The following WDR72 variants were observed in gnomAD, a reference collection of about 807,000 sequenced individuals.
WDR72 encodes WD repeat-containing protein 72.
A neutral mutation model predicts 124.2 loss-of-function variants in WDR72; 120 were observed. The ratio of observed to expected loss-of-function variants is 0.97; its 90% CI spans 0.83 to 1.12. The LOEUF is 1.12. Ranked by LOEUF, WDR72 falls within the 50% of genes most tolerant of loss-of-function variation. The pLI, the probability that WDR72 is intolerant of heterozygous loss-of-function variation, is 0.00. For missense variants in WDR72, 1,387 were observed against 1,278.8 expected (o/e 1.08, Z -1.29); for synonymous variants, 452 against 441.7 (o/e 1.02, Z -0.29).
intron 6 of WDR72, among the ~76,000 whole-genome samples, chr15:53,713,528 G>A (rs2017615026): frequency 6.6e-6 from 1 of 150,660 alleles, no homozygotes; most frequent in Non-Finnish European, 1.5e-5. Flanking sequence ...TCGGCTCACT[G>A]CAACCCCCGC....
At chr15:53,756,974 T>C (rs895580283) in intron 1 of WDR72, among the ~76,000 whole-genome samples, 2 of 152,218 alleles carry the variant, frequency 1.3e-5, no homozygotes, top group Admixed American at 6.5e-5. Flanking sequence ...AGCAATGATA[T>C]CTAGCTCTGT....
chr15:53,655,309 T>C (rs1194476784), intron 14 of WDR72, among the ~76,000 whole-genome samples: 1 of 151,460 alleles, frequency 6.6e-6, no homozygotes, highest in East Asian at 1.9e-4. Context: ...ACTTTATAAT[T>C]GATCTGGTTT....
chr15:53,759,294 C>T (rs1046633033), intron 1 of WDR72: 8 of 152,188 alleles, frequency 5.3e-5, no homozygotes, highest in Non-Finnish European at 1.2e-4. Flanking sequence ...AAAGGCAGGT[C>T]CCTAACCGTA....
At chr15:53,698,967 G>T (rs2017086407) in intron 13 of WDR72, among the ~76,000 whole-genome samples, 1 of 152,116 alleles carries the variant, frequency 6.6e-6, no homozygotes, top group South Asian at 2.1e-4. Flanking sequence ...ACTTACACAT[G>T]ACAGTAAAAT....
At chr15:53,745,519 G>A (rs1000768316) in intron 1 of WDR72, among the ~76,000 whole-genome samples, 1 of 152,068 alleles carries the variant, frequency 6.6e-6, no homozygotes, top group African/African-American at 2.4e-5. Context: ...AATTAGGGTT[G>A]TCAGATTTAG....
chr15:53,651,012 T>C (rs1342908814), intron 14 of WDR72, among the ~76,000 whole-genome samples: 1 of 150,916 alleles, frequency 6.6e-6, no homozygotes, highest in Non-Finnish European at 1.5e-5. Context: ...TACTTGGAAG[T>C]CAAGCTTCTT....
At chr15:53,712,918 T>C in intron 6 of WDR72, 27 bp from the exon 7 acceptor site, 3 of 1,611,708 alleles carry the variant, frequency 1.9e-6, no homozygotes, top group African/African-American at 1.3e-5. Flanking sequence ...AATCTTTTAG[T>C]ACTAGTTCCA....
intron 1 of WDR72, among the ~76,000 whole-genome samples, chr15:53,744,666 T>G (rs1462469552): frequency 6.6e-6 from 1 of 152,246 alleles, no homozygotes; most frequent in African/African-American, 2.4e-5. Flanking sequence ...CTTTTCATTG[T>G]TTGATCCCTA....
upstream of WDR72, among the ~76,000 whole-genome samples, chr15:53,760,139 C>T (rs1160094612): frequency 2.0e-5 from 3 of 151,482 alleles, no homozygotes; most frequent in South Asian, 6.3e-4. Flanking sequence ...AATGAGGTTT[C>T]CATCACCTCA....
At chr15:53,605,863 G>A (rs1208734044) in intron 17 of WDR72, among the ~76,000 whole-genome samples, 3 of 152,060 alleles carry the variant, frequency 2.0e-5, no homozygotes, top group Non-Finnish European at 4.4e-5. Flanking sequence ...ATAATAATTT[G>A]AGGATCGGTT....
intron 18 of WDR72, 145 bp from the exon 19 acceptor site, chr15:53,523,467 A>G: frequency 3.9e-6 from 3 of 775,414 alleles, no homozygotes; most frequent in Middle Eastern, 7.3e-4. Flanking sequence ...TTGAAATAAA[A>G]TGTATCCTCT....
chr15:53,706,180 A>G, intron 9 of WDR72, 106 bp from the exon 10 acceptor site: 2 of 1,223,510 alleles, frequency 1.6e-6, no homozygotes, highest in Non-Finnish European at 1.2e-6. Context: ...AATCTTTTCA[A>G]TTTATTTCCC....
At chr15:53,738,832 C>T (rs1006350819) in intron 1 of WDR72, among the ~76,000 whole-genome samples, 1 of 152,294 alleles carries the variant, frequency 6.6e-6, no homozygotes, top group East Asian at 1.9e-4. Flanking sequence ...GTCTTGAACT[C>T]CTGACCTCAG....
chr15:53,561,232 T>C (rs1332140100), intron 18 of WDR72, among the ~76,000 whole-genome samples: 1 of 151,956 alleles, frequency 6.6e-6, no homozygotes, highest in Middle Eastern at 3.4e-3. Context: ...TTAAATGCAC[T>C]ACTAAGACCT....
chr15:53,709,967 T>C (rs1332199961), intron 9 of WDR72, among the ~76,000 whole-genome samples: 3 of 152,190 alleles, frequency 2.0e-5, no homozygotes, highest in South Asian at 2.1e-4. Context: ...ATAACGTTTA[T>C]GGATAATTAA....
At chr15:53,720,500 T>A (rs564036726) in intron 3 of WDR72, among the ~76,000 whole-genome samples, 3 of 152,246 alleles carry the variant, frequency 2.0e-5, no homozygotes, top group Non-Finnish European at 4.4e-5. Flanking sequence ...TGTGTTATTA[T>A]ACTTATCGTG....
rs200276821 is a variant in WDR72 at position 53,640,534 on chromosome 15, T to A, written c.1963-24291A>T. Among the ~76,000 whole-genome samples the A allele has an allele frequency of 7.9e-5, 12 of 152,306 alleles. No homozygotes were observed. In the East Asian group the frequency reaches 2.3e-3, roughly 29 times the overall value. On this transcript the variant is annotated intron_variant, in intron 14 of 19. Coordinates refer to ENST00000360509, the MANE Select transcript of WDR72 (RefSeq NM_182758.4). ...TTCCATTCTTTTTCTAAAAATACAA[T>A]CATTGAACACTTTCTGGTTCTTTTA...
chr15:53,753,810 C>G (rs935752866), intron 1 of WDR72, among the ~76,000 whole-genome samples: 10 of 152,170 alleles, frequency 6.6e-5, no homozygotes, highest in African/African-American at 2.2e-4. Context: ...AGACCTTGTG[C>G]TGGTGGCTTT....
chr15:53,715,313 C>T lies in WDR72; in HGVS notation c.394G>A (p.Glu132Lys). 1 of 1,614,148 alleles carries T rather than the reference C, an allele frequency of 6.2e-7. No individual in the cohort carries two copies. The highest frequency in any genetic ancestry group is 8.5e-7 in the Non-Finnish European group (1 of 1,180,008). ...TGEGWLLCCG[E>K]YQDVLIIDAK... Reference sequence around the variant, plus strand: ...TCAATTATAAGGACATCTTGATATTCTCCACAACAAAGAAGCCAGCCTTCT... The same window carrying T: ...TCAATTATAAGGACATCTTGATATTTTCCACAACAAAGAAGCCAGCCTTCT... The change falls in exon 5 of 20, where the codon GAA becomes AAA. Residue 132 changes from glutamate to lysine, a missense_variant. Transcript: ENST00000360509.
Sources: allele counts gnomAD v4.1 joint callset (sites outside exome capture counted in the v4.1 genomes callset), GRCh38; gene constraint gnomAD v4.1.1; transcripts MANE v1.5; gene names NCBI Gene and HGNC (gene_info 2026-07-23, HGNC 2026-07-21).